Variants in DPF1 observed in about 807,000 individuals in gnomAD.
The protein encoded by DPF1 is zinc finger protein neuro-d4.
DPF1 carries 14 observed loss-of-function variants against 58.7 expected under a neutral mutation model. That is an observed-to-expected ratio of 0.24 (90% CI 0.16 to 0.37). The LOEUF (loss-of-function observed/expected upper bound fraction) is 0.37. Among genes scored for constraint, DPF1 ranks in the 10% least tolerant of loss-of-function variants. The pLI, the probability that DPF1 is intolerant of heterozygous loss-of-function variation, is 1.00. For synonymous variants in DPF1, 216 were observed against 216.0 expected, an observed-to-expected ratio of 1.00 and a Z score of 0.00; for missense variants, 345 against 529.9, an observed-to-expected ratio of 0.65 and a Z score of 3.43.
Position 38,222,652 on chromosome 19 carries a change from C to A in DPF1, c.86G>T (p.Arg29Leu), listed in dbSNP as rs1376992383. The stretch of plus-strand genomic sequence containing the variant: ...TCGCAGGCTGCGCTCGGCGCACAGG[C>A]GCGCGTTGTAACTGCGGCAGTGCTC... ...AIEHCRSYNA[R>L]LCAERSLRLP... Residue 29 changes from arginine (R) to leucine (L), a missense_variant, in exon 2 of 12, where the codon CGC (arginine) becomes CTC (leucine). Transcript: ENST00000355526. This position sits in a 1 kb window ranked among gnomAD's most constrained non-coding sequence, Gnocchi z 4.9. 1.2e-6 allele frequency: 2 copies of A among 1,608,564 alleles called. No homozygotes were observed. Among genetic ancestry groups the A allele is most frequent in the Non-Finnish European group, 1.7e-6 (2 of 1,177,972 alleles).
chr19:38,213,049 G>A (rs184674500), intron 10 of DPF1, among the ~76,000 whole-genome samples: 7 of 149,998 alleles, frequency 4.7e-5, no homozygotes, highest in Admixed American at 2.0e-4. Context: ...GTGCAGTGGC[G>A]CCATCTCGGC....
At position 38,216,228 on chromosome 19, in the gene DPF1, G is replaced by A; in HGVS notation, c.810C>T (p.Pro270=). Residue 270 remains proline, a synonymous_variant, in exon 9 of 12, where the codon CCC becomes CCT. Transcript: ENST00000355526. ...CCAGGCAGAAGTCACAGTAGCCGTT[G>A]GGGATGACAGTGCCGTCGGGCGCCT... is the stretch of plus-strand genomic sequence containing the variant. ...AKKAPDGTVI[P]NGYCDFCLGG... is the part of the protein sequence containing the mutation. 6.2e-7 allele frequency: 1 copy of A among 1,614,208 alleles called. No individual in the cohort carries two copies. Among genetic ancestry groups the A allele is most frequent in the African/African-American group, 1.3e-5 (1 of 75,074 alleles).
At chr19:38,221,368 T>C (rs1967459062) in intron 3 of DPF1, among the ~76,000 whole-genome samples, 1 of 151,566 alleles carries the variant, frequency 6.6e-6, no homozygotes, top group Non-Finnish European at 1.5e-5. Context: ...TGAAACCCTG[T>C]CTCTACTAAA....
Position 38,218,653 on chromosome 19 carries a change from ACTG to A in DPF1, c.433_435del (p.Gln145del). On this transcript the variant is annotated inframe_deletion, in exon 5 of 12. Transcript: ENST00000355526. The stretch of plus-strand genomic sequence containing the variant: ...TCGAGGTCATGCGGAAACTCCAGCA[ACTG>A]CTGTTTCTGGGCAATAGAGAAAGGA... 6.2e-7 allele frequency: 1 copy of A among 1,614,208 alleles called. No homozygotes were observed. Among genetic ancestry groups the A allele is most frequent in the Non-Finnish European group, 8.5e-7 (1 of 1,180,024 alleles).
upstream of DPF1, among the ~76,000 whole-genome samples, chr19:38,225,821 C>G (rs886505507): frequency 6.9e-6 from 1 of 145,200 alleles, no homozygotes; most frequent in African/African-American, 2.6e-5. Flanking sequence ...CCCAGGAGAT[C>G]GAAGCTGCAG....
chr19:38,217,158 G>A (rs1967079549), intron 7 of DPF1, among the ~76,000 whole-genome samples: 1 of 152,200 alleles, frequency 6.6e-6, no homozygotes, highest in Non-Finnish European at 1.5e-5. Context: ...CCAAAGCTTA[G>A]CAGAGAAAGG....
intron 3 of DPF1, 144 bp from the exon 4 acceptor site, chr19:38,219,202 C>T: frequency 4.0e-6 from 5 of 1,238,904 alleles, no homozygotes; most frequent in Non-Finnish European, 5.5e-6. Flanking sequence ...AGGAGGGAGG[C>T]CCAGACTCTG....
rs778541668 is a variant in DPF1, at chr19:38,222,468, G to C, written c.191-4C>G. 24 of 1,582,710 alleles carry C rather than the reference G, an allele frequency of 1.5e-5. No individual in the cohort carries two copies. The highest frequency in any genetic ancestry group is 2.0e-5 in the Admixed American group (1 of 50,798). ...TAAATCTGTCCCGGGGCCAAACCTG[G>C]AGAGAGAGGGGGGTGAGAGGGCGGC... On this transcript the variant is annotated splice_polypyrimidine_tract_variant and splice_region_variant and intron_variant, in intron 2 of 11. Transcript: ENST00000355526. This position sits in a 1 kb window ranked among gnomAD's most constrained non-coding sequence, Gnocchi z 4.9.
chr19:38,212,384 C>G, intron 10 of DPF1, 23 bp from the exon 11 acceptor site: 4 of 1,352,010 alleles, frequency 3.0e-6, no homozygotes, highest in Non-Finnish European at 2.9e-6. Context: ...ACCCGCCCAG[C>G]TGGCACCCTG....
intron 9 of DPF1, among the ~76,000 whole-genome samples, chr19:38,215,426 G>A (rs2146138141): frequency 6.6e-6 from 1 of 152,200 alleles, no homozygotes; most frequent in South Asian, 2.1e-4. Context: ...CCAGGAGGCG[G>A]AGGTTGCAGT....
In DPF1 at chr19:38,222,520, C is replaced by CGCCCT; in HGVS notation, c.190+23_190+27dup. 6.2e-7 allele frequency: 1 copy of CGCCCT among 1,604,706 alleles called. No individual in the cohort carries two copies. Among genetic ancestry groups the CGCCCT allele is most frequent in the Non-Finnish European group, 8.5e-7 (1 of 1,176,002 alleles). ...GCGGTGGGGCGGCCTGGCCCCGCCC[C>CGCCCT]GCCCTGCGCCAGCCCTCCCGGCGGT... On this transcript the variant is annotated intron_variant, in intron 2 of 11. Coordinates refer to ENST00000355526, the MANE Select transcript of DPF1 (RefSeq NM_001135155.3). The surrounding 1 kb of genome is among the most constrained non-coding windows in gnomAD (Gnocchi z 4.9).
upstream of DPF1, among the ~76,000 whole-genome samples, chr19:38,226,172 C>T (rs946026421): frequency 1.3e-5 from 2 of 151,778 alleles, no homozygotes; most frequent in African/African-American, 4.8e-5. Flanking sequence ...CCGAAGAGAT[C>T]CCCAGGGAGT....
intron 7 of DPF1, 55 bp downstream of exon 7, chr19:38,217,405 T>G: frequency 4.8e-5 from 21 of 433,134 alleles, no homozygotes; most frequent in Middle Eastern, 8.6e-4. Context: ...CCAGCTGGGC[T>G]CCTCTTCCCC....
Position 38,222,487 on chromosome 19 carries a change from G to GGGCGGC in DPF1, c.191-29_191-24dup. 1 of 1,580,800 alleles carries GGGCGGC rather than the reference G, an allele frequency of 6.3e-7. No individual in the cohort carries two copies. Among genetic ancestry groups the GGGCGGC allele is most frequent in the Non-Finnish European group, 8.6e-7 (1 of 1,169,088 alleles). On this transcript the variant is annotated intron_variant, in intron 2 of 11. Transcript: ENST00000355526. The surrounding 1 kb of genome is among the most constrained non-coding windows in gnomAD (Gnocchi z 4.9). The stretch of plus-strand genomic sequence containing the variant: ...AACCTGGAGAGAGAGGGGGGTGAGA[G>GGGCGGC]GGCGGCGGCGGTGGGGCGGCCTGGC...
chr19:38,212,237 T>TGGGGGGG (rs1422925066), intron 11 of DPF1, 43 bp downstream of exon 11: 7 of 1,256,786 alleles, frequency 5.6e-6, no homozygotes, highest in Non-Finnish European at 6.7e-6. Context: ...GGAGATGGCG[T>TGGGGGGG]TCCCACCCAC....
upstream of DPF1, chr19:38,224,288 C>T (rs1967718833): frequency 1.6e-6 from 2 of 1,263,326 alleles, no homozygotes; most frequent in African/African-American, 3.1e-5. This position sits in a 1 kb window ranked among gnomAD's most constrained non-coding sequence, Gnocchi z 4.5. Context: ...GGCGGGCCCG[C>T]CCGGGCCATG....
At position 38,212,303 on chromosome 19, in the gene DPF1, G is replaced by A. The variant is rs1375027327; in HGVS notation, c.1070C>T (p.Pro357Leu). 1.3e-6 allele frequency: 2 copies of A among 1,531,152 alleles called. No homozygotes were observed. The highest frequency in any genetic ancestry group is 2.6e-5 in the South Asian group (2 of 77,802). 94.8% of individuals were successfully genotyped at this position (1,531,152 alleles called of 1,614,324 possible). A position where few individuals can be genotyped will look rare whatever the true frequency, so the allele number is the denominator to read the frequency against. The change falls in exon 11 of 12, where the codon CCC becomes CTC. Residue 357 changes from proline (P) to leucine (L), a missense_variant. Physicochemically the swap from Pro to Leu is moderately conservative, Grantham distance 98. Transcript: ENST00000355526. ...ACCTTCCGGGGGCTCCGCCATGGGGGGACTCAGGCAGTACATGTGGTAACC... is the reference window on the plus strand; with the variant it reads ...ACCTTCCGGGGGCTCCGCCATGGGGAGACTCAGGCAGTACATGTGGTAACC... ...DRGYHMYCLSPPMAEPPEGSW... is the reference protein window; with the variant it reads ...DRGYHMYCLSLPMAEPPEGSW...
At chr19:38,217,061 C>T (rs1426467453) in intron 7 of DPF1, among the ~76,000 whole-genome samples, 1 of 152,190 alleles carries the variant, frequency 6.6e-6, no homozygotes, top group Non-Finnish European at 1.5e-5. Flanking sequence ...CCCTCCTCCC[C>T]TCCCCCATCC....
At chr19:38,224,292 G>A, upstream of DPF1, 1 of 1,264,194 alleles carries the variant, frequency 7.9e-7, no homozygotes, top group Non-Finnish European at 9.9e-7. This position sits in a 1 kb window ranked among gnomAD's most constrained non-coding sequence, Gnocchi z 4.5. Flanking sequence ...GGCCCGCCCG[G>A]GCCATGCTGG....
Sources: allele counts gnomAD v4.1 joint callset (sites outside exome capture counted in the v4.1 genomes callset), GRCh38; gene constraint gnomAD v4.1.1; non-coding constraint Gnocchi (gnomAD v3.1); transcripts MANE v1.5; gene names NCBI Gene and HGNC (gene_info 2026-07-23, HGNC 2026-07-21).